Variants in TRPM1 observed in about 807,000 individuals in gnomAD.
The protein encoded by TRPM1 is TRPM1-203 APA Isoform, Intron 10.
Under a neutral mutation model 149.4 loss-of-function variants are expected in TRPM1, and 113 were observed. That is an observed-to-expected ratio of 0.76 (90% CI 0.65 to 0.88). The LOEUF is 0.88. TRPM1 is among the 40% of genes least tolerant of loss of function. The pLI is 0.00. For synonymous variants in TRPM1, 741 were observed against 759.5 expected, an observed-to-expected ratio of 0.98 and a Z score of 0.40; for missense variants, 1,976 against 2,038.7, an observed-to-expected ratio of 0.97 and a Z score of 0.59.
chr15:31,002,379 T>C lies in TRPM1; in HGVS notation c.4321A>G (p.Lys1441Glu). Residue 1441 changes from lysine (K) to glutamate (E), a missense_variant, in exon 28 of 28, where the codon AAA (lysine) becomes GAA (glutamate). This residue lies in a region of TRPM1 where 572 missense variants were observed against 578.9 expected (regional missense o/e 0.99). Transcript: ENST00000256552. ...TCATCGGGGAAATAGCGTGTAATTT[T>C]GGTTTCTTCCAGGGGATAGGAAATA... Reference protein sequence around the residue: ...GTISYPLEETKITRYFPDETI... With the variant: ...GTISYPLEETEITRYFPDETI... The C allele has an allele frequency of 1.2e-6, 2 of 1,614,272 alleles. No homozygotes were observed. Among genetic ancestry groups the C allele is most frequent in the Non-Finnish European group, 1.7e-6 (2 of 1,180,042 alleles).
intron 1 of TRPM1, among the ~76,000 whole-genome samples, chr15:31,119,005 C>T (rs958097719): frequency 2.6e-5 from 4 of 151,898 alleles, no homozygotes; most frequent in African/African-American, 7.3e-5. Flanking sequence ...TTTGGGAGGC[C>T]GAGGTGGGCA....
chr15:31,072,965 T>C (rs1219986694), intron 3 of TRPM1, among the ~76,000 whole-genome samples: 2 of 152,124 alleles, frequency 1.3e-5, no homozygotes, highest in African/African-American at 4.8e-5. Context: ...ATTCTGTGGG[T>C]TGTCTTTCCA....
intron 16 of TRPM1, 131 bp from the exon 17 acceptor site, chr15:31,042,374 C>T: frequency 1.1e-6 from 1 of 903,956 alleles, no homozygotes; most frequent in South Asian, 1.5e-5. Context: ...TCTTACATTT[C>T]CACTCCGCAT....
At chr15:31,036,088 G>A (rs1046329446) in intron 20 of TRPM1, 4 of 324,766 alleles carry the variant, frequency 1.2e-5, no homozygotes, top group African/African-American at 2.2e-5. Context: ...CCACAACTGG[G>A]AAGTTAGATG....
intron 1 of TRPM1, among the ~76,000 whole-genome samples, chr15:31,093,260 C>CAAAA (rs34790478): frequency 6.3e-5 from 4 of 63,192 alleles, no homozygotes; most frequent in African/African-American, 1.4e-4. Context: ...GACTTTGTCT[C>CAAAA]AAAAAAAAAA....
intron 9 of TRPM1, among the ~76,000 whole-genome samples, chr15:31,062,376 G>C (rs1264362040): frequency 6.6e-6 from 1 of 152,182 alleles, no homozygotes; most frequent in East Asian, 1.9e-4. Context: ...AAGTTTGAAA[G>C]CACCAGGGGC....
chr15:31,101,131 T>A (rs905878098), intron 1 of TRPM1, among the ~76,000 whole-genome samples: 2 of 152,228 alleles, frequency 1.3e-5, no homozygotes, highest in African/African-American at 4.8e-5. Flanking sequence ...CTCCTAGAAC[T>A]TCAGCATTTT....
At chr15:31,137,011 C>T (rs1262267336) in intron 1 of TRPM1, among the ~76,000 whole-genome samples, 1 of 152,116 alleles carries the variant, frequency 6.6e-6, no homozygotes, top group African/African-American at 2.4e-5. Flanking sequence ...TGGGGAGGTC[C>T]CTGTCTTCCT....
At chr15:31,129,104 A>C (rs1321747658) in intron 1 of TRPM1, among the ~76,000 whole-genome samples, 2 of 152,208 alleles carry the variant, frequency 1.3e-5, no homozygotes, top group Admixed American at 6.5e-5. Context: ...CATGTGGATC[A>C]GCCTTTGGAG....
Position 31,026,989 on chromosome 15 carries a change from A to G in TRPM1, c.3422T>C (p.Ile1141Thr). 1 of 1,614,140 alleles carries G rather than the reference A, an allele frequency of 6.2e-7. No homozygotes were observed. The highest frequency in any genetic ancestry group is 8.5e-7 in the Non-Finnish European group (1 of 1,180,030). ...PPMIILSHIY[I>T]IIMRLSGRCR... ...GCGGCCGCTGAGACGCATAATGATG[A>G]TGTAGATGTGGCTTAAAATGATCAT... The change falls in exon 26 of 28, where the codon ATC becomes ACC. Residue 1141 changes from isoleucine to threonine, a missense_variant. Ile to Thr is a moderately conservative substitution (Grantham distance 89, BLOSUM62 -1). Around this residue, in one of 3 missense-constraint regions of TRPM1, gnomAD observed 72 missense variants for 112.7 expected, o/e 0.64. Transcript: ENST00000256552.
intron 1 of TRPM1, among the ~76,000 whole-genome samples, chr15:31,149,133 T>C (rs951966965): frequency 2.0e-5 from 3 of 151,960 alleles, no homozygotes; most frequent in African/African-American, 7.3e-5. Context: ...CAGATCTACG[T>C]GGAAGGGAAC....
chr15:31,002,405 G>A lies in TRPM1; in HGVS notation c.4295C>T (p.Thr1432Ile), dbSNP rs1019166763. 1.2e-6 allele frequency: 2 copies of A among 1,614,146 alleles called. No individual in the cohort carries two copies. Among genetic ancestry groups the A allele is most frequent in the African/African-American group, 1.3e-5 (1 of 74,948 alleles). Reference sequence around the variant, plus strand: ...GGTTTCTTCCAGGGGATAGGAAATAGTGCCTTCTATATTTGTCGTTTCCAC... The same window carrying A: ...GGTTTCTTCCAGGGGATAGGAAATAATGCCTTCTATATTTGTCGTTTCCAC... ...LTVETTNIEG[T>I]ISYPLEETKI... The change falls in exon 28 of 28, where the codon ACT becomes ATT. Residue 1432 changes from threonine (T) to isoleucine (I), a missense_variant. Thr to Ile is a moderately conservative substitution (Grantham distance 89). Transcript: ENST00000256552.
At chr15:31,030,284 G>T (rs1158928103) in intron 23 of TRPM1, among the ~76,000 whole-genome samples, 1 of 152,200 alleles carries the variant, frequency 6.6e-6, no homozygotes, top group Non-Finnish European at 1.5e-5. Context: ...ACATGCAAAT[G>T]AAAATGTTGG....
rs201862284 is a variant in TRPM1 at position 31,015,726 on chromosome 15, C to T, written c.3629+10413G>A. 2.0e-5 allele frequency among the ~76,000 whole-genome samples: 3 copies of T among 152,160 alleles called. No homozygotes were observed. The East Asian group carries it at 5.8e-4, about 29-fold the overall frequency. On this transcript the variant is annotated intron_variant, in intron 27 of 27. Transcript: ENST00000256552. The stretch of plus-strand genomic sequence containing the variant: ...CCCTATTCTACAATTTGGACATTGA[C>T]ACTTCCTCATACTATGTAAAGTGCT...
chr15:31,088,725 A>G (rs2140995128), intron 1 of TRPM1, among the ~76,000 whole-genome samples: 1 of 150,766 alleles, frequency 6.6e-6, no homozygotes, highest in African/African-American at 2.4e-5. Context: ...GATTGACTGA[A>G]GCGGCGGTAT....
intron 1 of TRPM1, among the ~76,000 whole-genome samples, chr15:31,113,099 G>A (rs1234693694): frequency 6.6e-6 from 1 of 152,168 alleles, no homozygotes; most frequent in African/African-American, 2.4e-5. Context: ...GTCCAGGGCT[G>A]CTGTCTTGGC....
rs540089246 is a variant in TRPM1, at chr15:31,040,637, G to C, written c.2088-291C>G. On this transcript the variant is annotated intron_variant, in intron 17 of 27. Coordinates refer to ENST00000256552, the MANE Select transcript of TRPM1 (RefSeq NM_001252024.2). This position sits in a 1 kb window ranked among gnomAD's most constrained non-coding sequence, Gnocchi z 4.2. ...GACCCCAGGGACATAGAGACGAGAA[G>C]ACAAAGTCCCTTCCCTCAAGTTGTG... is the stretch of plus-strand genomic sequence containing the variant. Among the ~76,000 whole-genome samples the C allele has an allele frequency of 1.3e-5, 2 of 152,314 alleles. No individual in the cohort carries two copies. Among genetic ancestry groups the C allele is most frequent in the Non-Finnish European group, 2.9e-5 (2 of 68,026 alleles).
chr15:31,054,745 CTAAT>C (rs1464454661), intron 11 of TRPM1, among the ~76,000 whole-genome samples: 7 of 152,114 alleles, frequency 4.6e-5, no homozygotes, highest in Non-Finnish European at 1.0e-4. Flanking sequence ...AACGATGAAG[CTAAT>C]TAACATATCC....
At chr15:31,088,856 T>C (rs111348554) in intron 1 of TRPM1, among the ~76,000 whole-genome samples, 6,160 of 103,798 alleles carry the variant, frequency 0.059, 422 homozygotes, top group African/African-American at 0.21. Context: ...TAAGCCCTGC[T>C]GCGGGTATTG....
Sources: allele counts gnomAD v4.1 joint callset (sites outside exome capture counted in the v4.1 genomes callset), GRCh38; gene constraint gnomAD v4.1.1; regional missense constraint gnomAD v4.1.1; non-coding constraint Gnocchi (gnomAD v3.1); transcripts MANE v1.5; gene names NCBI Gene and HGNC (gene_info 2026-07-23, HGNC 2026-07-21).